The following ACER1 variants were observed in gnomAD, a reference collection of about 807,000 sequenced individuals.
ACER1 encodes CTB-180A7.3.
Under a neutral mutation model 24.9 loss-of-function variants are expected in ACER1, and 28 were observed. The ratio of observed to expected loss-of-function variants is 1.13; its 90% CI spans 0.83 to 1.54. The LOEUF is 1.54. Among genes scored for constraint, ACER1 ranks in the 40% most tolerant of loss-of-function variants. The pLI is 0.00. For missense variants in ACER1, 352 were observed against 349.3 expected (o/e 1.01, Z -0.06); for synonymous variants, 132 against 131.4 (o/e 1.00, Z -0.03).
intron 1 of ACER1, among the ~76,000 whole-genome samples, chr19:6,320,822 C>T (rs1185738741): frequency 6.6e-6 from 1 of 152,028 alleles, no homozygotes; most frequent in Non-Finnish European, 1.5e-5. Flanking sequence ...GTACCTACTT[C>T]ATAGGATTTT....
chr19:6,309,880 G>T, intron 3 of ACER1, 46 bp from the exon 4 acceptor site: 1 of 1,610,058 alleles, frequency 6.2e-7, no homozygotes, highest in Non-Finnish European at 8.5e-7. Flanking sequence ...GAGGTCCTGG[G>T]ATTGTAGGCA....
chr19:6,340,360 GAAGGAAGGAAGGAAGA>G, the ACER1 span, among the ~76,000 whole-genome samples: 176 of 60,458 alleles, frequency 2.9e-3, 2 homozygotes, highest in Admixed American at 5.8e-3. Context: ...AGGAAGGAAG[GAAGGAAGGAAGGAAGA>G]AAAACAGAAC....
chr19:6,342,594 C>G, the ACER1 span, among the ~76,000 whole-genome samples: 1 of 151,066 alleles, frequency 6.6e-6, no homozygotes. Flanking sequence ...TGGCGGGCGC[C>G]TGTAGTCCCA....
the ACER1 span, among the ~76,000 whole-genome samples, chr19:6,350,680 AAGG>A: frequency 0.11 from 15,994 of 151,078 alleles, 1,177 homozygotes; most frequent in East Asian, 0.39. Context: ...GGAAGGAAGG[AAGG>A]AGAAGAAAAA....
chr19:6,352,673 T>C, the ACER1 span, among the ~76,000 whole-genome samples: 1 of 152,228 alleles, frequency 6.6e-6, no homozygotes, highest in South Asian at 2.1e-4. Flanking sequence ...ACACCTTTGA[T>C]CATTTCCTAA....
At chr19:6,319,477 G>A (rs768176025) in intron 1 of ACER1, among the ~76,000 whole-genome samples, 1 of 152,054 alleles carries the variant, frequency 6.6e-6, no homozygotes, top group East Asian at 1.9e-4. Flanking sequence ...GCTCCAGCAG[G>A]TGACATCACC....
the ACER1 span, among the ~76,000 whole-genome samples, chr19:6,345,332 A>G: frequency 1.3e-5 from 2 of 152,212 alleles, no homozygotes; most frequent in Non-Finnish European, 2.9e-5. Context: ...ACCCAGGACC[A>G]GTTTTGTGCA....
chr19:6,311,776 T>C (rs2091583197), intron 3 of ACER1, among the ~76,000 whole-genome samples: 1 of 146,330 alleles, frequency 6.8e-6, no homozygotes, highest in Non-Finnish European at 1.5e-5. Context: ...ACCCAGGGGG[T>C]CTAAGCAGAT....
At chr19:6,308,750 A>G (rs1249106398) in intron 4 of ACER1, among the ~76,000 whole-genome samples, 7 of 151,698 alleles carry the variant, frequency 4.6e-5, no homozygotes, top group Non-Finnish European at 1.0e-4. Context: ...GTTAAATTAT[A>G]AAAAAAAATT....
chr19:6,342,419 T>A, the ACER1 span, among the ~76,000 whole-genome samples: 1 of 151,900 alleles, frequency 6.6e-6, no homozygotes, highest in South Asian at 2.1e-4. Flanking sequence ...ATAATCCATT[T>A]TAAAAACAAA....
chr19:6,320,226 T>A (rs10409833), intron 1 of ACER1, among the ~76,000 whole-genome samples: 10,056 of 152,080 alleles, frequency 0.066, 374 homozygotes, highest in East Asian at 0.12. Flanking sequence ...GGCCTCTGTC[T>A]CCAGTTGAGG....
In ACER1 at chr19:6,306,879, A is replaced by G. The variant is rs1442892566; in HGVS notation, c.630T>C (p.His210=). The G allele has an allele frequency of 1.2e-6, 2 of 1,612,110 alleles. No homozygotes were observed. The highest frequency in any genetic ancestry group is 2.2e-5 in the East Asian group (1 of 44,848). ...IHFFYLHSIW[H]VLISITFPYG... is the part of the protein sequence containing the mutation. ...AAGGGAAGGTGATGCTGATGAGCAC[A>G]TGCCTGTGGAGTGCAGGGCGAAGGT... Residue 210 remains histidine, a synonymous_variant, in exon 6 of 6, where the codon CAT becomes CAC. Transcript: ENST00000301452.
chr19:6,316,762 A>G (rs1317878107), intron 1 of ACER1, among the ~76,000 whole-genome samples: 1 of 149,622 alleles, frequency 6.7e-6, no homozygotes, highest in Non-Finnish European at 1.5e-5. Flanking sequence ...AGAGGTTGCA[A>G]TGAGCCGAGA....
the ACER1 span, among the ~76,000 whole-genome samples, chr19:6,345,793 G>A: frequency 6.6e-6 from 1 of 151,776 alleles, no homozygotes; most frequent in Non-Finnish European, 1.5e-5. Context: ...TCCAACTCCT[G>A]ACCTCAGATG....
At chr19:6,327,747 G>C (rs2145015846) in intron 1 of ACER1, among the ~76,000 whole-genome samples, 1 of 152,018 alleles carries the variant, frequency 6.6e-6, no homozygotes, top group Middle Eastern at 3.4e-3. Flanking sequence ...TTTGTGACAT[G>C]TGAAAATTAT....
chr19:6,310,647 G>GGTGGGA (rs1337142291), intron 3 of ACER1, among the ~76,000 whole-genome samples: 1 of 151,988 alleles, frequency 6.6e-6, no homozygotes, highest in Non-Finnish European at 1.5e-5. Flanking sequence ...GGGAGGCTGA[G>GGTGGGA]GTGGGAGGAT....
At chr19:6,312,025 G>T (rs1287228308) in intron 3 of ACER1, 124 bp downstream of exon 3, 1 of 1,316,928 alleles carries the variant, frequency 7.6e-7, no homozygotes. Flanking sequence ...AAGTGGTCAG[G>T]GGAGGAATTC....
chr19:6,348,989 C>T, the ACER1 span, among the ~76,000 whole-genome samples: 93 of 151,310 alleles, frequency 6.1e-4, no homozygotes, highest in African/African-American at 2.2e-3. Flanking sequence ...CCAGGAGGCG[C>T]GGGTTGCAGT....
chr19:6,328,245 C>G (rs1459102490), intron 1 of ACER1, among the ~76,000 whole-genome samples: 3 of 151,824 alleles, frequency 2.0e-5, no homozygotes, highest in Non-Finnish European at 4.4e-5. Context: ...AATCCCAGTA[C>G]TTTGGGAGGC....
Sources: allele counts gnomAD v4.1 joint callset (sites outside exome capture counted in the v4.1 genomes callset), GRCh38; gene constraint gnomAD v4.1.1; transcripts MANE v1.5; gene names NCBI Gene and HGNC (gene_info 2026-07-23, HGNC 2026-07-21).